AP2B1: variants seen among roughly 807,000 people sequenced by gnomAD.
AP2B1 encodes the protein adaptor related protein complex 2 subunit beta 1.
In AP2B1, 23 loss-of-function variants were observed where a neutral mutation model predicts 102.0. That is an observed-to-expected ratio of 0.23 (90% confidence interval 0.16 to 0.32). The LOEUF is 0.32. Ranked by LOEUF, AP2B1 falls within the 10% of genes least tolerant of loss-of-function variation. The pLI is 1.00. For missense variants in AP2B1, 541 were observed against 1,157.4 expected, an observed-to-expected ratio of 0.47 and a Z score of 7.73; for synonymous variants, 381 against 421.2, an observed-to-expected ratio of 0.90 and a Z score of 1.17.
At chr17:35,616,151 T>A (rs978571156) in intron 5 of AP2B1, among the ~76,000 whole-genome samples, 1 of 5,616 alleles carries the variant, frequency 1.8e-4, no homozygotes, top group Non-Finnish European at 3.0e-4. Flanking sequence ...TCTTTTTTTT[T>A]TTTTTTTTTT....
chr17:35,683,569 C>G (rs2075869376), intron 18 of AP2B1, among the ~76,000 whole-genome samples: 1 of 152,200 alleles, frequency 6.6e-6, no homozygotes, highest in Non-Finnish European at 1.5e-5. Flanking sequence ...ACAAGAGCCT[C>G]TTTATCTTGA....
chr17:35,597,100 G>A, intron 2 of AP2B1: 2 of 533,222 alleles, frequency 3.8e-6, no homozygotes, highest in Non-Finnish European at 6.9e-6. Context: ...GGGCCACTGA[G>A]GCAGCAGTAG....
chr17:35,642,304 T>C lies in AP2B1; in HGVS notation c.1536+329T>C, dbSNP rs1448686360. Among the ~76,000 whole-genome samples the C allele has an allele frequency of 4.4e-5, 4 of 91,176 alleles. No homozygotes were observed. The East Asian group carries it at 1.3e-3, about 29-fold the overall frequency. 59.8% of individuals were successfully genotyped at this position (91,176 alleles called of 152,430 possible). On this transcript the variant is annotated intron_variant, in intron 12 of 21. Coordinates refer to ENST00000610402, the MANE Select transcript of AP2B1 (RefSeq NM_001030006.2). ...CTGTGACTTCATTTCAGCTTTCAAA[T>C]GAAAGTACCATGTGGAGATAATAGA...
At chr17:35,587,966 A>G (rs1009976523) in intron 1 of AP2B1, 3 of 152,198 alleles carry the variant, frequency 2.0e-5, no homozygotes, top group Admixed American at 6.5e-5. Context: ...TGGGGAAAGA[A>G]GAGGCATTCC....
rs145946852 is a variant in AP2B1, at chr17:35,705,876, T to C, written c.2455-3348T>C. Among the ~76,000 whole-genome samples, 173 of 152,270 alleles carry C rather than the reference T, an allele frequency of 1.1e-3. 1 individual carries two copies. The highest frequency in any genetic ancestry group is 1.9e-3 in the Non-Finnish European group (129 of 68,018). On this transcript the variant is annotated intron_variant, in intron 18 of 21. Transcript: ENST00000610402. ...TTTTTTGAACAGACACTTTCTACAG[T>C]ACTTATGAGTCAAGGCTGTTCACTG...
At chr17:35,599,161 A>G (rs1230479845) in intron 3 of AP2B1, among the ~76,000 whole-genome samples, 1 of 152,276 alleles carries the variant, frequency 6.6e-6, no homozygotes, top group Non-Finnish European at 1.5e-5. Context: ...GGGATTACCC[A>G]TAAATCTCTT....
At chr17:35,662,532 G>GTTTTTTTTTT (rs34547701) in intron 14 of AP2B1, among the ~76,000 whole-genome samples, 1 of 110,106 alleles carries the variant, frequency 9.1e-6, no homozygotes, top group East Asian at 2.6e-4. Context: ...GTTTGGGTTT[G>GTTTTTTTTTT]TTTTTTTTTT....
At chr17:35,704,316 A>G (rs1467791663) in intron 18 of AP2B1, among the ~76,000 whole-genome samples, 2 of 152,188 alleles carry the variant, frequency 1.3e-5, no homozygotes, top group African/African-American at 4.8e-5. Context: ...AAAAGAACCC[A>G]TACATCATCC....
At chr17:35,683,188 T>C (rs1598277895) in intron 18 of AP2B1, among the ~76,000 whole-genome samples, 1 of 152,288 alleles carries the variant, frequency 6.6e-6, no homozygotes, top group South Asian at 2.1e-4. Flanking sequence ...CAATTTTTCA[T>C]TTACATGTAA....
chr17:35,637,028 T>C (rs1016846821), intron 10 of AP2B1, among the ~76,000 whole-genome samples: 55 of 152,366 alleles, frequency 3.6e-4, no homozygotes, highest in African/African-American at 9.9e-4. Flanking sequence ...ATCTGCATTT[T>C]TACTTCACAA....
In AP2B1 at chr17:35,717,299, A is replaced by G. The variant is rs1278397475; in HGVS notation, c.2731A>G (p.Ile911Val). The G allele has an allele frequency of 2.5e-6, 4 of 1,614,092 alleles. No individual in the cohort carries two copies. The highest frequency in any genetic ancestry group is 3.4e-6 in the Non-Finnish European group (4 of 1,180,018). The change falls in exon 21 of 22, where the codon ATT becomes GTT. Residue 911 changes from isoleucine to valine, a missense_variant. Ile to Val is a conservative substitution (Grantham distance 29). This residue lies in a region of AP2B1 where 117 missense variants were observed against 206.7 expected (regional missense o/e 0.57). Transcript: ENST00000610402. Reference sequence around the variant, plus strand: ...CCAATCCCTGAAGCTCACTAATGGCATTTGGATTTTGGCCGAACTACGTAT... The same window carrying G: ...CCAATCCCTGAAGCTCACTAATGGCGTTTGGATTTTGGCCGAACTACGTAT... The part of the protein sequence containing the change: ...LYQSLKLTNG[I>V]WILAELRIQP...
intron 5 of AP2B1, among the ~76,000 whole-genome samples, chr17:35,622,067 AG>A (rs1368056955): frequency 6.6e-6 from 1 of 152,230 alleles, no homozygotes; most frequent in Non-Finnish European, 1.5e-5. Context: ...TTGCATGTGA[AG>A]CACATGGAAG....
At chr17:35,707,692 G>GT (rs1214168024) in intron 18 of AP2B1, among the ~76,000 whole-genome samples, 6 of 146,408 alleles carry the variant, frequency 4.1e-5, no homozygotes, top group African/African-American at 1.5e-4. Flanking sequence ...ACCTCAAGTG[G>GT]TCTGCCTGCC....
intron 13 of AP2B1, among the ~76,000 whole-genome samples, chr17:35,652,018 C>A (rs958563344): frequency 5.3e-5 from 8 of 152,182 alleles, no homozygotes; most frequent in Non-Finnish European, 8.8e-5. Flanking sequence ...TAACTTTTAA[C>A]CCTCACATGG....
intron 12 of AP2B1, among the ~76,000 whole-genome samples, chr17:35,643,536 A>C (rs2074844706): frequency 6.6e-6 from 1 of 152,156 alleles, no homozygotes; most frequent in African/African-American, 2.4e-5. Context: ...TTACCTCTTA[A>C]GTATTTATCA....
At chr17:35,666,499 C>A (rs1376418674) in intron 14 of AP2B1, among the ~76,000 whole-genome samples, 3 of 152,094 alleles carry the variant, frequency 2.0e-5, no homozygotes, top group Non-Finnish European at 4.4e-5. Context: ...TTGAAATATT[C>A]TTTTCCTGAA....
At chr17:35,671,626 C>T (rs2075589007) in intron 15 of AP2B1, 128 bp from the exon 16 acceptor site, 2 of 950,144 alleles carry the variant, frequency 2.1e-6, no homozygotes. Context: ...AATTTGACTC[C>T]TAAGAATATT....
At chr17:35,684,312 A>G (rs966576706) in intron 18 of AP2B1, among the ~76,000 whole-genome samples, 12 of 152,240 alleles carry the variant, frequency 7.9e-5, no homozygotes, top group Admixed American at 1.3e-4. Flanking sequence ...TATGAAATAT[A>G]TTTAAAATGA....
intron 20 of AP2B1, among the ~76,000 whole-genome samples, chr17:35,714,489 C>T (rs917245634): frequency 6.6e-6 from 1 of 152,176 alleles, no homozygotes. Flanking sequence ...TCGACACCTT[C>T]TAAGAGTTGA....
Sources: gnomAD v4.1 joint callset for allele counts (sites outside exome capture counted in the v4.1 genomes callset) on GRCh38, gnomAD v4.1.1 for gene constraint, gnomAD v4.1.1 regional missense constraint, MANE v1.5 for transcripts, NCBI Gene and HGNC (gene_info 2026-07-23, HGNC 2026-07-21) for gene names.